GTF3C1: variants seen among roughly 807,000 people sequenced by gnomAD.
GTF3C1 encodes general transcription factor IIIC subunit 1.
GTF3C1 carries 57 observed loss-of-function variants against 226.7 expected under a neutral mutation model. The ratio of observed to expected loss-of-function variants is 0.25; its 90% confidence interval spans 0.20 to 0.31. The LOEUF is 0.31. Among genes scored for constraint, GTF3C1 ranks in the 10% least tolerant of loss-of-function variants. The pLI, the probability that GTF3C1 is intolerant of heterozygous loss-of-function variation, is 1.00. For synonymous variants in GTF3C1, 1,090 were observed against 1,084.8 expected, an observed-to-expected ratio of 1.00 and a Z score of -0.09; for missense variants, 2,217 against 2,776.1, an observed-to-expected ratio of 0.80 and a Z score of 4.53.
At chr16:27,467,591 C>T (rs888630117) in intron 32 of GTF3C1, among the ~76,000 whole-genome samples, 4 of 152,140 alleles carry the variant, frequency 2.6e-5, no homozygotes, top group South Asian at 2.1e-4. Context: ...ATTTGATGGC[C>T]GGACACAGTG....
rs2087859233 is a variant in GTF3C1 at position 27,471,020 on chromosome 16, T to C, written c.4527-625A>G. Among the ~76,000 whole-genome samples, 1 of 152,228 alleles carries C rather than the reference T, an allele frequency of 6.6e-6. No homozygotes were observed. The highest frequency in any genetic ancestry group is 2.4e-5 in the African/African-American group (1 of 41,464). ...CTGCCACACCTACTTCCCAGAGGCC[T>C]GAGGGTCATTCGGGGTCAGGGTCTG... On this transcript the variant is annotated intron_variant, in intron 30 of 36. Transcript: ENST00000356183. The surrounding 1 kb of genome is among the most constrained non-coding windows in gnomAD (Gnocchi z 5.0).
chr16:27,513,004 CAT>C (rs2088599978), intron 6 of GTF3C1, among the ~76,000 whole-genome samples: 1 of 152,226 alleles, frequency 6.6e-6, no homozygotes, highest in Non-Finnish European at 1.5e-5. Flanking sequence ...ATCCCCAAAA[CAT>C]GTGAACATGT....
In GTF3C1 at chr16:27,486,143, C is replaced by T. The variant is rs2088135311; in HGVS notation, c.3712G>A (p.Gly1238Arg). Reference protein sequence around the residue: ...IKRKKKGEFPGEKSKRLRYHD... With the variant: ...IKRKKKGEFPREKSKRLRYHD... ...TAGCGCAGCCTTTTGCTTTTTTCTC[C>T]TGGGAACTCTCCTAAAAACACCAGA... The change falls in exon 24 of 37, where the codon GGA becomes AGA. Residue 1238 changes from glycine to arginine, a missense_variant. By Grantham distance (125) the Gly-to-Arg change is moderately radical (BLOSUM62 -2). Around this residue, in one of 12 missense-constraint regions of GTF3C1, gnomAD observed 546 missense variants for 663.0 expected, o/e 0.82. Coordinates refer to ENST00000356183, the MANE Select transcript of GTF3C1 (RefSeq NM_001520.4). 1 of 1,599,152 alleles carries T rather than the reference C, an allele frequency of 6.3e-7. No homozygotes were observed. Among genetic ancestry groups the T allele is most frequent in the Non-Finnish European group, 8.6e-7 (1 of 1,167,922 alleles).
chr16:27,534,340 A>G (rs1474421133), intron 4 of GTF3C1, among the ~76,000 whole-genome samples: 1 of 152,204 alleles, frequency 6.6e-6, no homozygotes, highest in Non-Finnish European at 1.5e-5. Flanking sequence ...GGGTGCAGGG[A>G]GAAATCTTGT....
At position 27,465,435 on chromosome 16, in the gene GTF3C1, A is replaced by C. The variant is rs1341630488; in HGVS notation, c.5180T>G (p.Leu1727Arg). 22 of 1,613,618 alleles carry C rather than the reference A, an allele frequency of 1.4e-5. No individual in the cohort carries two copies. The highest frequency in any genetic ancestry group is 1.7e-5 in the Non-Finnish European group (20 of 1,179,884). ...ENTCSLEEFV[L>R]QLELSGYSPE... ...ACTATACCCAGACAGCTCCAGCTGGAGGACAAACTCCTCCAAGCTGCAGGT... is the reference window on the plus strand; with the variant it reads ...ACTATACCCAGACAGCTCCAGCTGGCGGACAAACTCCTCCAAGCTGCAGGT... The change falls in exon 33 of 37, where the codon CTC (leucine) becomes CGC (arginine). Residue 1727 changes from leucine to arginine, a missense_variant. Transcript: ENST00000356183.
chr16:27,497,559 A>G, intron 14 of GTF3C1, 78 bp downstream of exon 14: 1 of 1,183,770 alleles, frequency 8.4e-7, no homozygotes, highest in Non-Finnish European at 1.2e-6. Flanking sequence ...TCAAATGGAG[A>G]GGACCAAGTG....
At chr16:27,540,707 A>C (rs2089068753) in intron 2 of GTF3C1, among the ~76,000 whole-genome samples, 1 of 152,262 alleles carries the variant, frequency 6.6e-6, no homozygotes, top group African/African-American at 2.4e-5. Flanking sequence ...ATATGAGGTC[A>C]TAACTTCTCT....
Position 27,484,195 on chromosome 16 carries a change from C to A in GTF3C1, c.4001+16G>T. On this transcript the variant is annotated intron_variant, in intron 25 of 36. Transcript: ENST00000356183. Reference sequence around the variant, plus strand: ...GTAACCGTGTCCCGGAGTGACGGGGCTTCAATGAGGCTTACTTATAGTTGA... The same window carrying A: ...GTAACCGTGTCCCGGAGTGACGGGGATTCAATGAGGCTTACTTATAGTTGA... 2 of 1,580,028 alleles carry A rather than the reference C, an allele frequency of 1.3e-6. No individual in the cohort carries two copies. The highest frequency in any genetic ancestry group is 1.7e-6 in the Non-Finnish European group (2 of 1,149,258).
intron 7 of GTF3C1, among the ~76,000 whole-genome samples, chr16:27,511,062 G>A (rs1488942140): frequency 6.6e-6 from 1 of 152,208 alleles, no homozygotes; most frequent in Non-Finnish European, 1.5e-5. Context: ...AATGGGACTG[G>A]ATTAAGGGAT....
intron 29 of GTF3C1, among the ~76,000 whole-genome samples, chr16:27,475,165 C>T (rs2087933391): frequency 1.3e-5 from 2 of 152,336 alleles, no homozygotes; most frequent in South Asian, 2.1e-4. Flanking sequence ...GCAAGGGTGG[C>T]CCATGGGCCC....
chr16:27,506,265 C>A, intron 9 of GTF3C1, 149 bp from the exon 10 acceptor site: 1 of 595,194 alleles, frequency 1.7e-6, no homozygotes, highest in Non-Finnish European at 3.0e-6. Context: ...AGCTTGGGCC[C>A]CTCCTTCTGG....
intron 6 of GTF3C1, among the ~76,000 whole-genome samples, chr16:27,517,710 G>A (rs2088681044): frequency 6.6e-6 from 1 of 152,246 alleles, no homozygotes; most frequent in Admixed American, 6.5e-5. Flanking sequence ...AAGAGAAGGA[G>A]TGACTCCTTA....
At chr16:27,473,179 G>A (rs1596616886) in intron 29 of GTF3C1, among the ~76,000 whole-genome samples, 1 of 152,240 alleles carries the variant, frequency 6.6e-6, no homozygotes, top group East Asian at 1.9e-4. Context: ...TGGGATTACA[G>A]GCGTAAGCCA....
chr16:27,482,939 C>T lies in GTF3C1; in HGVS notation c.4083+105G>A, dbSNP rs540171671. ...TCAAGTGAGCAGGAAACAAAGTCCA[C>T]GTTCCTAAGGCTGGCAGGGGCACTG... On this transcript the variant is annotated intron_variant, in intron 26 of 36. Coordinates refer to ENST00000356183, the MANE Select transcript of GTF3C1 (RefSeq NM_001520.4). The T allele has an allele frequency of 1.4e-3, 1,245 of 914,932 alleles. 3 individuals carry two copies. The highest frequency in any genetic ancestry group is 1.1e-3 in the Non-Finnish European group (651 of 571,652). The allele number at this position is 914,932 out of a possible 1,614,324, so 56.7% of individuals were successfully genotyped here. A position where few individuals can be genotyped will look rare whatever the true frequency, so the allele number is the denominator to read the frequency against.
In GTF3C1 at chr16:27,535,310, C is replaced by T. The variant is rs948571560; in HGVS notation, c.753-1923G>A. ...ATGATGGGCCGGATGTGATGGCTCA[C>T]GCTTGTAATCCCAGCACTTTGGGAG... On this transcript the variant is annotated intron_variant, in intron 4 of 36. Transcript: ENST00000356183. Among the ~76,000 whole-genome samples the T allele has an allele frequency of 2.6e-5, 4 of 152,130 alleles. No homozygotes were observed. In the South Asian group the frequency reaches 6.2e-4, roughly 24 times the overall value.
intron 23 of GTF3C1, 80 bp downstream of exon 23, chr16:27,488,147 C>T: frequency 7.8e-7 from 1 of 1,281,584 alleles, no homozygotes; most frequent in Non-Finnish European, 1.1e-6. Flanking sequence ...GAGCTCAGGC[C>T]TGGCTGGAGT....
At chr16:27,518,596 T>C (rs372661604) in intron 6 of GTF3C1, among the ~76,000 whole-genome samples, 2 of 152,218 alleles carry the variant, frequency 1.3e-5, no homozygotes, top group African/African-American at 4.8e-5. Flanking sequence ...GCTGAAAATA[T>C]CAGAGAGTGC....
chr16:27,492,695 C>T lies in GTF3C1; in HGVS notation c.2895G>A (p.Val965=), dbSNP rs1194895515. Residue 965 remains valine (V), a synonymous_variant, in exon 18 of 37, where the codon GTG becomes GTA. Coordinates refer to ENST00000356183, the MANE Select transcript of GTF3C1 (RefSeq NM_001520.4). The surrounding 1 kb of genome is among the most constrained non-coding windows in gnomAD (Gnocchi z 5.0). ...AGCACAGCCTCTGAAGGTTCTCCAC[C>T]ACCGAAAAAATGTAACGCCTAGAAA... ...LLYKRRYIFS[V]VENLQRLCYM... The T allele has an allele frequency of 1.3e-6, 2 of 1,596,864 alleles. No homozygotes were observed. Among genetic ancestry groups the T allele is most frequent in the East Asian group, 4.5e-5 (2 of 44,798 alleles).
chr16:27,469,391 G>A lies in GTF3C1; in HGVS notation c.4974C>T (p.Ser1658=), dbSNP rs1338581585. The change falls in exon 32 of 37, where the codon AGC becomes AGT. Residue 1658 remains serine (S), a synonymous_variant. Transcript: ENST00000356183. This position sits in a 1 kb window ranked among gnomAD's most constrained non-coding sequence, Gnocchi z 4.5. ...TGTCGTTGGGGTTGAGGTTGCGGGT[G>A]CTGACGATGCCGGGGGAGTAGTAGC... ...MRGYYSPGIV[S]TRNLNPNDSI... 1.2e-5 allele frequency: 20 copies of A among 1,613,190 alleles called. No homozygotes were observed. Among genetic ancestry groups the A allele is most frequent in the Admixed American group, 1.7e-5 (1 of 59,792 alleles).
Sources: allele counts gnomAD v4.1 joint callset (sites outside exome capture counted in the v4.1 genomes callset), GRCh38; gene constraint gnomAD v4.1.1; regional missense constraint gnomAD v4.1.1; non-coding constraint Gnocchi (gnomAD v3.1); transcripts MANE v1.5; gene names NCBI Gene and HGNC (gene_info 2026-07-23, HGNC 2026-07-21).